LIMK2: variants seen among roughly 807,000 people sequenced by gnomAD.
The protein encoded by LIMK2 is LIM domain kinase 2.
A neutral mutation model predicts 75.7 loss-of-function variants in LIMK2; 35 were observed. That is an observed-to-expected ratio of 0.46 (90% CI 0.35 to 0.61). The LOEUF (loss-of-function observed/expected upper bound fraction) is 0.61, where lower values mean the gene tolerates loss of function less well. Ranked by LOEUF, LIMK2 falls within the 20% of genes least tolerant of loss-of-function variation. The pLI is 0.00. For missense variants in LIMK2, 623 were observed against 831.0 expected, an observed-to-expected ratio of 0.75 and a Z score of 3.08; for synonymous variants, 301 against 319.2, an observed-to-expected ratio of 0.94 and a Z score of 0.61.
intron 1 of LIMK2, among the ~76,000 whole-genome samples, chr22:31,218,387 G>A (rs761759544): frequency 6.6e-6 from 1 of 152,252 alleles, no homozygotes; most frequent in African/African-American, 2.4e-5. Context: ...TGAGATACCT[G>A]TGTCTGTGCC....
chr22:31,260,757 A>T (rs558050917), intron 5 of LIMK2, among the ~76,000 whole-genome samples: 1 of 152,330 alleles, frequency 6.6e-6, no homozygotes, highest in South Asian at 2.1e-4. Context: ...CTACAACCTT[A>T]TTAGATGAAG....
chr22:31,269,096 A>G (rs1011808895), intron 11 of LIMK2, among the ~76,000 whole-genome samples: 5 of 150,590 alleles, frequency 3.3e-5, no homozygotes, highest in Non-Finnish European at 5.9e-5. Context: ...TTGAATCAGG[A>G]AGGAGGTTTT....
In LIMK2 at chr22:31,248,244, G is replaced by C. The variant is rs2048689155; in HGVS notation, c.117-10047G>C. ...TCGATCCAGCCCAGCTCCACCCCTTGCCTGCAAGGTCTGTTTCCTAACAGC... is the reference window on the plus strand; with the variant it reads ...TCGATCCAGCCCAGCTCCACCCCTTCCCTGCAAGGTCTGTTTCCTAACAGC... On this transcript the variant is annotated intron_variant, in intron 2 of 15. Coordinates refer to ENST00000331728, the MANE Select transcript of LIMK2 (RefSeq NM_005569.4). The C allele has an allele frequency of 5.2e-6, 4 of 776,472 alleles. No individual in the cohort carries two copies. In the Admixed American group the frequency reaches 1.5e-4, roughly 29 times the overall value. 48.1% of individuals were successfully genotyped at this position (776,472 alleles called of 1,614,324 possible). A position where few individuals can be genotyped will look rare whatever the true frequency, so the allele number is the denominator to read the frequency against.
intron 2 of LIMK2, chr22:31,248,614 G>A: frequency 4.3e-6 from 7 of 1,611,470 alleles, no homozygotes; most frequent in Non-Finnish European, 5.9e-6. Context: ...TGCAGCCAGA[G>A]GTGCCGGGAG....
rs778003438 is a variant in LIMK2, at chr22:31,225,832, A to G, written c.116+13A>G. ...GCTCTTGCTTCCGGTAGGTGGGCCT[A>G]TCCTCCCATCTTTACCAGTGTACTA... On this transcript the variant is annotated intron_variant, in intron 2 of 15. Transcript: ENST00000331728. 3 of 1,589,680 alleles carry G rather than the reference A, an allele frequency of 1.9e-6. No individual in the cohort carries two copies. Among genetic ancestry groups the G allele is most frequent in the Admixed American group, 1.7e-5 (1 of 59,776 alleles).
intron 1 of LIMK2, among the ~76,000 whole-genome samples, chr22:31,224,497 C>G (rs1210193042): frequency 6.6e-6 from 1 of 152,200 alleles, no homozygotes; most frequent in African/African-American, 2.4e-5. Context: ...CACCACTTAG[C>G]TAGTCAACCC....
rs2048530364 is a variant in LIMK2, at chr22:31,231,711, A to C, written c.116+5892A>C. On this transcript the variant is annotated intron_variant, in intron 2 of 15. Coordinates refer to ENST00000331728, the MANE Select transcript of LIMK2 (RefSeq NM_005569.4). ...CACAGCTTCTATAGGAGGCAGAGGT[A>C]GAAAAATGGAGAGAGATGAGGCCAG... Among the ~76,000 whole-genome samples, 8 of 152,374 alleles carry C rather than the reference A, an allele frequency of 5.3e-5. 1 individual carries two copies. In the South Asian group the frequency reaches 1.7e-3, roughly 32 times the overall value.
At chr22:31,219,354 T>C (rs564509848) in intron 1 of LIMK2, among the ~76,000 whole-genome samples, 44 of 152,310 alleles carry the variant, frequency 2.9e-4, no homozygotes, top group African/African-American at 1.0e-3. Context: ...TATACCAAGA[T>C]TGAAAAGGTC....
In LIMK2 at chr22:31,260,074, A is replaced by G; in HGVS notation, c.548A>G (p.Lys183Arg). The G allele has an allele frequency of 1.9e-6, 3 of 1,568,204 alleles. No homozygotes were observed. The highest frequency in any genetic ancestry group is 8.6e-7 in the Non-Finnish European group (1 of 1,159,836). Reference sequence around the variant, plus strand: ...AACTACGCCACCACTGTGCAAGTGAAAGAGTAAGTATTTTGAGAACCCTTC... The same window carrying G: ...AACTACGCCACCACTGTGCAAGTGAGAGAGTAAGTATTTTGAGAACCCTTC... Reference protein sequence around the residue: ...CSNYATTVQVKEVNRMHISPN... With the variant: ...CSNYATTVQVREVNRMHISPN... Residue 183 changes from lysine (K) to arginine (R), a missense_variant, in exon 5 of 16, where the codon AAA (lysine) becomes AGA (arginine). By Grantham distance (26) the Lys-to-Arg change is conservative. Around this residue, in one of 3 missense-constraint regions of LIMK2, gnomAD observed 514 missense variants for 661.3 expected, o/e 0.78. Transcript: ENST00000331728.
chr22:31,235,999 C>T (rs1037036950), intron 2 of LIMK2, among the ~76,000 whole-genome samples: 2 of 152,196 alleles, frequency 1.3e-5, no homozygotes, highest in Non-Finnish European at 2.9e-5. Context: ...TTTTTCTCAT[C>T]TAGAAAATGG....
intron 5 of LIMK2, 145 bp from the exon 6 acceptor site, chr22:31,261,989 A>G: frequency 1.5e-6 from 1 of 663,996 alleles, no homozygotes; most frequent in Non-Finnish European, 2.7e-6. Context: ...ATCCTGGAAA[A>G]GGTGTTGCCT....
chr22:31,252,481 C>T (rs901426305), intron 2 of LIMK2, among the ~76,000 whole-genome samples: 4 of 148,324 alleles, frequency 2.7e-5, no homozygotes, highest in East Asian at 2.0e-4. Context: ...GGTCAGACTA[C>T]AGTGAGCAAT....
intron 2 of LIMK2, among the ~76,000 whole-genome samples, chr22:31,252,065 C>A (rs2048730275): frequency 6.6e-6 from 1 of 152,162 alleles, no homozygotes; most frequent in African/African-American, 2.4e-5. Flanking sequence ...ATGACTGGTT[C>A]TTTTACCCCA....
At chr22:31,246,033 C>T (rs1213189954) in intron 2 of LIMK2, among the ~76,000 whole-genome samples, 1 of 152,040 alleles carries the variant, frequency 6.6e-6, no homozygotes, top group African/African-American at 2.4e-5. Context: ...ATTAGCCGAG[C>T]ATGGTGGCAT....
At chr22:31,221,451 C>A (rs1054206548) in intron 1 of LIMK2, among the ~76,000 whole-genome samples, 1 of 151,974 alleles carries the variant, frequency 6.6e-6, no homozygotes, top group African/African-American at 2.4e-5. Context: ...TTGATATCTT[C>A]GTACCACTTG....
intron 2 of LIMK2, among the ~76,000 whole-genome samples, chr22:31,231,666 C>A (rs1285930657): frequency 6.6e-6 from 1 of 152,092 alleles, no homozygotes; most frequent in Non-Finnish European, 1.5e-5. Context: ...GAAGAGAGAA[C>A]TAAGGACCCA....
chr22:31,220,288 A>AGACT (rs1469763734), intron 1 of LIMK2, among the ~76,000 whole-genome samples: 1 of 152,192 alleles, frequency 6.6e-6, no homozygotes, highest in Non-Finnish European at 1.5e-5. Context: ...TATCCACATG[A>AGACT]GACTACTCAT....
chr22:31,213,767 AG>A (rs889126968), intron 1 of LIMK2, among the ~76,000 whole-genome samples: 1 of 152,060 alleles, frequency 6.6e-6, no homozygotes, highest in Non-Finnish European at 1.5e-5. Flanking sequence ...CTCTTAAAAA[AG>A]ATTTTTTTTA....
Position 31,234,037 on chromosome 22 carries a change from G to A in LIMK2, c.116+8218G>A, listed in dbSNP as rs183315990. Among the ~76,000 whole-genome samples the A allele has an allele frequency of 2.0e-5, 3 of 152,116 alleles. 1 individual carries two copies. The highest frequency in any genetic ancestry group is 4.4e-5 in the Non-Finnish European group (3 of 67,992). The stretch of plus-strand genomic sequence containing the variant: ...TGTTTGTTTTGTTTTGTTTTAGACA[G>A]AGTCTCACTCTGTTCCCCAGGCTGG... On this transcript the variant is annotated intron_variant, in intron 2 of 15. Coordinates refer to ENST00000331728, the MANE Select transcript of LIMK2 (RefSeq NM_005569.4).
Sources: allele counts gnomAD v4.1 joint callset (sites outside exome capture counted in the v4.1 genomes callset), GRCh38; gene constraint gnomAD v4.1.1; regional missense constraint gnomAD v4.1.1; transcripts MANE v1.5; gene names NCBI Gene and HGNC (gene_info 2026-07-23, HGNC 2026-07-21).